Variants in TENM3 observed in about 807,000 individuals in gnomAD.
TENM3 encodes teneurin transmembrane protein 3.
In TENM3, 63 loss-of-function variants were observed where a neutral mutation model predicts 255.1. The ratio of observed to expected loss-of-function variants is 0.25; its 90% CI spans 0.20 to 0.30. The LOEUF (loss-of-function observed/expected upper bound fraction) is 0.30. Ranked by LOEUF, TENM3 falls within the 10% of genes least tolerant of loss-of-function variation. The probability of loss-of-function intolerance (pLI) is 1.00; values close to 1 mark genes in which losing one functional copy is unlikely to be tolerated. For missense variants in TENM3, 2,929 were observed against 3,461.1 expected, an observed-to-expected ratio of 0.85 and a Z score of 3.86; for synonymous variants, 1,306 against 1,322.3, an observed-to-expected ratio of 0.99 and a Z score of 0.27.
At chr4:182,252,609 C>A (rs939016755) in intron 1 of TENM3, among the ~76,000 whole-genome samples, 4 of 152,116 alleles carry the variant, frequency 2.6e-5, no homozygotes, top group Non-Finnish European at 4.4e-5. Context: ...TTCCAGATCA[C>A]TGTTACGTAG....
intron 1 of TENM3, among the ~76,000 whole-genome samples, chr4:182,157,499 G>C (rs368560082): frequency 6.6e-6 from 1 of 152,174 alleles, no homozygotes; most frequent in Non-Finnish European, 1.5e-5. Flanking sequence ...ATTGATGCAG[G>C]AATGAAATCT....
chr4:182,652,031 G>A (rs1015002326), intron 5 of TENM3, among the ~76,000 whole-genome samples: 7 of 151,972 alleles, frequency 4.6e-5, no homozygotes, highest in South Asian at 2.1e-4. Flanking sequence ...TTAGCCTTAC[G>A]CATTTGTTTT....
chr4:181,947,118 A>G, the TENM3 span, among the ~76,000 whole-genome samples: 1 of 152,148 alleles, frequency 6.6e-6, no homozygotes, highest in Admixed American at 6.6e-5. Context: ...AGAGTTGTTT[A>G]CTCAGTGCCT....
the TENM3 span, among the ~76,000 whole-genome samples, chr4:181,990,349 G>T: frequency 6.6e-6 from 1 of 152,118 alleles, no homozygotes; most frequent in African/African-American, 2.4e-5. Context: ...ACGTGCATAC[G>T]ATTTGATACA....
At chr4:182,433,887 G>T (rs1771850463) in intron 3 of TENM3, among the ~76,000 whole-genome samples, 1 of 152,152 alleles carries the variant, frequency 6.6e-6, no homozygotes, top group South Asian at 2.1e-4. Context: ...AGACCAAAGT[G>T]GAGGATGACT....
At chr4:182,295,825 G>C (rs1241498207) in intron 1 of TENM3, among the ~76,000 whole-genome samples, 1 of 152,140 alleles carries the variant, frequency 6.6e-6, no homozygotes, top group Admixed American at 6.5e-5. Flanking sequence ...CACAAGGGAA[G>C]ACATAACTGT....
chr4:182,060,826 T>A, the TENM3 span, among the ~76,000 whole-genome samples: 1 of 152,204 alleles, frequency 6.6e-6, no homozygotes, highest in Non-Finnish European at 1.5e-5. Context: ...AGGATTAAAG[T>A]CTGCAAACAA....
chr4:182,267,287 T>C (rs1759303301), intron 1 of TENM3, among the ~76,000 whole-genome samples: 1 of 152,210 alleles, frequency 6.6e-6, no homozygotes, highest in African/African-American at 2.4e-5. Context: ...CTCCAGAATT[T>C]AGGAACTAGT....
chr4:182,270,385 G>A (rs536749799), intron 1 of TENM3, among the ~76,000 whole-genome samples: 1 of 152,302 alleles, frequency 6.6e-6, no homozygotes, highest in South Asian at 2.1e-4. Context: ...GTCATGTGAT[G>A]CTATTCCAGA....
chr4:182,629,835 C>T (rs2152471303), intron 5 of TENM3, among the ~76,000 whole-genome samples: 1 of 152,264 alleles, frequency 6.6e-6, no homozygotes, highest in Non-Finnish European at 1.5e-5. Flanking sequence ...CCACTGGCTA[C>T]AATACTCCTG....
At chr4:182,036,810 T>C in the TENM3 span, among the ~76,000 whole-genome samples, 1 of 152,194 alleles carries the variant, frequency 6.6e-6, no homozygotes, top group East Asian at 1.9e-4. Context: ...AAAAAATTAC[T>C]TAAATACTTC....
chr4:181,736,931 C>T, the TENM3 span, among the ~76,000 whole-genome samples: 1 of 152,058 alleles, frequency 6.6e-6, no homozygotes, highest in Non-Finnish European at 1.5e-5. Flanking sequence ...AGGAGAAACA[C>T]GTGGCCCATA....
At chr4:182,555,748 T>C (rs1405245631) in intron 3 of TENM3, among the ~76,000 whole-genome samples, 1 of 152,208 alleles carries the variant, frequency 6.6e-6, no homozygotes, top group African/African-American at 2.4e-5. Context: ...TTATTGATCT[T>C]GATTTTATGA....
At chr4:181,893,495 C>CCCT in the TENM3 span, among the ~76,000 whole-genome samples, 1 of 100,816 alleles carries the variant, frequency 9.9e-6, no homozygotes, top group Non-Finnish European at 1.9e-5. Context: ...CTGCCCACCC[C>CCCT]CCCCCCACCC....
the TENM3 span, among the ~76,000 whole-genome samples, chr4:181,448,175 T>A: frequency 6.7e-5 from 9 of 134,828 alleles, no homozygotes; most frequent in South Asian, 5.1e-4. Flanking sequence ...TTTTTTTTTT[T>A]TTTTTTTTTG....
intron 1 of TENM3, among the ~76,000 whole-genome samples, chr4:182,268,153 C>T (rs552113424): frequency 1.2e-4 from 19 of 152,248 alleles, no homozygotes; most frequent in Non-Finnish European, 2.4e-4. Flanking sequence ...ATTTTACTTT[C>T]CTCTTGTGGA....
At chr4:182,408,905 T>C (rs1387167948) in intron 3 of TENM3, among the ~76,000 whole-genome samples, 1 of 152,174 alleles carries the variant, frequency 6.6e-6, no homozygotes, top group African/African-American at 2.4e-5. Flanking sequence ...GAGCATTAAT[T>C]CAAGATGTGA....
chr4:181,616,348 C>T, the TENM3 span, among the ~76,000 whole-genome samples: 8 of 129,370 alleles, frequency 6.2e-5, no homozygotes, highest in African/African-American at 1.4e-4. Context: ...CACACACACA[C>T]GTATGCATAT....
At chr4:181,653,581 A>G in the TENM3 span, among the ~76,000 whole-genome samples, 13 of 151,708 alleles carry the variant, frequency 8.6e-5, no homozygotes, top group African/African-American at 3.1e-4. Flanking sequence ...TTGTATTTTT[A>G]GTAGAGACGG....
Sources: gnomAD v4.1 joint callset for allele counts (sites outside exome capture counted in the v4.1 genomes callset) on GRCh38, gnomAD v4.1.1 for gene constraint, MANE v1.5 for transcripts, NCBI Gene and HGNC (gene_info 2026-07-23, HGNC 2026-07-21) for gene names.